The following HDAC4 variants were observed in gnomAD, a reference collection of about 807,000 sequenced individuals.
HDAC4 encodes histone deacetylase A.
A neutral mutation model predicts 135.1 loss-of-function variants in HDAC4; 16 were observed. That is an observed-to-expected ratio of 0.12 (90% CI 0.08 to 0.18). HDAC4 has a LOEUF of 0.18. Ranked by LOEUF, HDAC4 falls within the 10% of genes least tolerant of loss-of-function variation. The pLI is 1.00. For missense variants in HDAC4, 1,143 were observed against 1,511.8 expected (o/e 0.76, Z 4.05); for synonymous variants, 685 against 653.4 (o/e 1.05, Z -0.74).
At chr2:239,142,383 C>T (rs1034537185) in intron 8 of HDAC4, among the ~76,000 whole-genome samples, 2 of 152,202 alleles carry the variant, frequency 1.3e-5, no homozygotes, top group African/African-American at 4.8e-5. Flanking sequence ...TGAAAATCAG[C>T]TCCACTCAGA....
intron 2 of HDAC4, among the ~76,000 whole-genome samples, chr2:239,247,852 G>A (rs1296807797): frequency 2.0e-5 from 3 of 152,156 alleles, no homozygotes; most frequent in Non-Finnish European, 4.4e-5. Flanking sequence ...AACGGAGGGC[G>A]CTGACCACAG....
intron 3 of HDAC4, among the ~76,000 whole-genome samples, chr2:239,209,745 A>G (rs2046257772): frequency 6.6e-6 from 1 of 152,260 alleles, no homozygotes; most frequent in South Asian, 2.1e-4. Context: ...ACTTTAACAC[A>G]GCAACTGACA....
chr2:239,124,950 C>CG (rs2040064637), intron 12 of HDAC4, among the ~76,000 whole-genome samples: 1 of 143,712 alleles, frequency 7.0e-6, no homozygotes, highest in Non-Finnish European at 1.5e-5. Flanking sequence ...TGACATTCCA[C>CG]GTTATGTGAC....
chr2:239,132,141 A>G (rs2040630649), intron 11 of HDAC4, among the ~76,000 whole-genome samples: 1 of 152,140 alleles, frequency 6.6e-6, no homozygotes, highest in Non-Finnish European at 1.5e-5. Flanking sequence ...CAATGACTAC[A>G]ACAATGATGC....
intron 17 of HDAC4, chr2:239,094,641 A>G (rs2036831704): frequency 1.7e-6 from 2 of 1,155,614 alleles, no homozygotes; most frequent in Admixed American, 4.0e-5. Context: ...GAAACTAGGT[A>G]CAGAATACAG....
rs1391169716 is a variant in HDAC4, at chr2:239,331,788, G to C, written c.22+20890C>G. The stretch of plus-strand genomic sequence containing the variant: ...GAGGAGCCCAGGCCTGGGAGAGAAG[G>C]GAGGTGGAAAGAGGGCACACTCGGC... On this transcript the variant is annotated intron_variant, in intron 2 of 26. Coordinates refer to ENST00000543185, the MANE Select transcript of HDAC4 (RefSeq NM_001378414.1). The surrounding 1 kb of genome is among the most constrained non-coding windows in gnomAD (Gnocchi z 4.5). 6.6e-6 allele frequency among the ~76,000 whole-genome samples: 1 copy of C among 152,158 alleles called. No individual in the cohort carries two copies. Among genetic ancestry groups the C allele is most frequent in the South Asian group, 2.1e-4 (1 of 4,826 alleles).
Position 239,153,388 on chromosome 2 carries a change from TTTCAG to T in HDAC4, c.733+3259_733+3263del, listed in dbSNP as rs367819237. Reference sequence around the variant, plus strand: ...TCTACATCACAATTATTAAAGACTATTTCAGTTCATTCAAGGAACTTCATAACTAA... The same window carrying T: ...TCTACATCACAATTATTAAAGACTATTTCATTCAAGGAACTTCATAACTAA... On this transcript the variant is annotated intron_variant, in intron 7 of 26. Transcript: ENST00000543185. Among the ~76,000 whole-genome samples, 25 of 152,358 alleles carry T rather than the reference TTTCAG, an allele frequency of 1.6e-4. No homozygotes were observed. In the East Asian group the frequency reaches 3.7e-3, roughly 22 times the overall value.
rs572382247 is a variant in HDAC4 at position 239,357,655 on chromosome 2, G to C, written c.-219-4737C>G. On this transcript the variant is annotated intron_variant, in intron 1 of 26. Coordinates refer to ENST00000543185, the MANE Select transcript of HDAC4 (RefSeq NM_001378414.1). ...TTGTAGCACTTTGGGAGGCCGAGGT[G>C]GGGGGATTGCTTGAGCTCAGGAGTT... 2.0e-5 allele frequency among the ~76,000 whole-genome samples: 3 copies of C among 151,740 alleles called. No homozygotes were observed. The East Asian group carries it at 5.8e-4, about 29-fold the overall frequency.
At position 239,318,886 on chromosome 2, in the gene HDAC4, C is replaced by T. The variant is rs1347373083; in HGVS notation, c.22+33792G>A. Among the ~76,000 whole-genome samples, 5 of 152,202 alleles carry T rather than the reference C, an allele frequency of 3.3e-5. 1 individual carries two copies. The Middle Eastern group carries it at 0.01, about 311-fold the overall frequency. Reference sequence around the variant, plus strand: ...AAATATCAACAGGGGTAAGTGAAAACGCTTACAAAAATGTAGAACACTAAG... The same window carrying T: ...AAATATCAACAGGGGTAAGTGAAAATGCTTACAAAAATGTAGAACACTAAG... On this transcript the variant is annotated intron_variant, in intron 2 of 26. Transcript: ENST00000543185.
At chr2:239,394,334 C>T (rs1696424253) in intron 1 of HDAC4, among the ~76,000 whole-genome samples, 1 of 152,200 alleles carries the variant, frequency 6.6e-6, no homozygotes. Flanking sequence ...ATTAATGTAT[C>T]ATATTAAAAT....
At chr2:239,273,766 C>T (rs937856726) in intron 2 of HDAC4, among the ~76,000 whole-genome samples, 6 of 152,188 alleles carry the variant, frequency 3.9e-5, no homozygotes, top group African/African-American at 1.4e-4. Context: ...GCCAAGCTCC[C>T]CAACAAATAG....
At chr2:239,360,513 C>T (rs12471054) in intron 1 of HDAC4, among the ~76,000 whole-genome samples, 18,538 of 152,238 alleles carry the variant, frequency 0.12, 2,900 homozygotes, top group East Asian at 0.68. Context: ...CTCATGTGCT[C>T]GCTTATCTGA....
chr2:239,078,903 C>A (rs1299776046), intron 22 of HDAC4, among the ~76,000 whole-genome samples: 1 of 152,236 alleles, frequency 6.6e-6, no homozygotes, highest in South Asian at 2.1e-4. Flanking sequence ...GGCAGCACCC[C>A]CTTTCTCCCC....
intron 3 of HDAC4, among the ~76,000 whole-genome samples, chr2:239,204,712 C>T (rs529534856): frequency 6.6e-6 from 1 of 152,164 alleles, no homozygotes; most frequent in Non-Finnish European, 1.5e-5. Context: ...CGCCCTTCAA[C>T]AGCCAGACCC....
intron 2 of HDAC4, among the ~76,000 whole-genome samples, chr2:239,320,862 A>G (rs1213955035): frequency 7.9e-5 from 12 of 152,228 alleles, no homozygotes; most frequent in Non-Finnish European, 1.2e-4. Context: ...ACTTGTAAGA[A>G]CTACATATTC....
At chr2:239,385,264 A>T (rs975347899) in intron 1 of HDAC4, among the ~76,000 whole-genome samples, 1 of 152,214 alleles carries the variant, frequency 6.6e-6, no homozygotes, top group Non-Finnish European at 1.5e-5. Context: ...CCTTAGCCAG[A>T]GGCGACACTC....
At chr2:239,062,586 C>T (rs2032919042) in intron 24 of HDAC4, among the ~76,000 whole-genome samples, 1 of 152,240 alleles carries the variant, frequency 6.6e-6, no homozygotes, top group Non-Finnish European at 1.5e-5. Flanking sequence ...GCGAAGTTCC[C>T]TATTGTTATT....
Position 239,313,595 on chromosome 2 carries a change from C to T in HDAC4, c.22+39083G>A, listed in dbSNP as rs1480907775. 2.2e-4 allele frequency among the ~76,000 whole-genome samples: 33 copies of T among 152,220 alleles called. No homozygotes were observed. Among genetic ancestry groups the T allele is most frequent in the Non-Finnish European group, 1.5e-5 (1 of 68,024 alleles). ...TGGTCAGGCCCTTAGCACCTCCTGA[C>T]CCCCCGATCTCCCAGACTCTCTGCT... On this transcript the variant is annotated intron_variant, in intron 2 of 26. Transcript: ENST00000543185. The surrounding 1 kb of genome is among the most constrained non-coding windows in gnomAD (Gnocchi z 5.1).
Position 239,381,482 on chromosome 2 carries a change from T to G in HDAC4, c.-220+19496A>C, listed in dbSNP as rs547081897. The stretch of plus-strand genomic sequence containing the variant: ...TACATTTTATTCACATGCAAAAAAA[T>G]GTAAATGAAAGCTGGTTTCATTTCC... On this transcript the variant is annotated intron_variant, in intron 1 of 26. Transcript: ENST00000543185. Among the ~76,000 whole-genome samples, 3 of 152,236 alleles carry G rather than the reference T, an allele frequency of 2.0e-5. No individual in the cohort carries two copies. The East Asian group carries it at 5.8e-4, about 29-fold the overall frequency.
Sources: allele counts gnomAD v4.1 joint callset (sites outside exome capture counted in the v4.1 genomes callset), GRCh38; gene constraint gnomAD v4.1.1; non-coding constraint Gnocchi (gnomAD v3.1); transcripts MANE v1.5; gene names NCBI Gene and HGNC (gene_info 2026-07-23, HGNC 2026-07-21).